The following ZNF713 variants were observed in gnomAD, a reference collection of about 807,000 sequenced individuals.
The protein encoded by ZNF713 is zinc finger protein 713.
A neutral mutation model predicts 28.7 loss-of-function variants in ZNF713; 21 were observed. The observed-to-expected ratio is 0.73, with a 90% confidence interval of 0.52 to 1.05. ZNF713 has a LOEUF of 1.05. Ranked by LOEUF, ZNF713 falls within the 50% of genes least tolerant of loss-of-function variation. ZNF713 has a pLI of 0.00. For missense variants in ZNF713, 458 were observed against 532.4 expected (o/e 0.86, Z 1.37); for synonymous variants, 167 against 178.0 (o/e 0.94, Z 0.49).
Position 55,939,372 on chromosome 7 carries a change from C to G in ZNF713, c.698C>G (p.Thr233Ser). The G allele has an allele frequency of 6.2e-7, 1 of 1,613,888 alleles. No homozygotes were observed. The highest frequency in any genetic ancestry group is 8.5e-7 in the Non-Finnish European group (1 of 1,179,996). Residue 233 changes from threonine (T) to serine (S), a missense_variant, in exon 7 of 7, where the codon ACT becomes AGT. Physicochemically the swap from Thr to Ser is moderately conservative, Grantham distance 58. Transcript: ENST00000429591. ...TATCAGGGAAATTATGTAAGAGAGA[C>G]TCCCTATGAATATAGTGAGTGTGGA... Reference protein sequence around the residue: ...IYYQGNYVRETPYEYSECGKI... With the variant: ...IYYQGNYVRESPYEYSECGKI...
At chr7:55,904,463 TAAAAAAAA>T (rs71015118) in intron 1 of ZNF713, among the ~76,000 whole-genome samples, 4 of 41,292 alleles carry the variant, frequency 9.7e-5, no homozygotes, top group African/African-American at 3.5e-4. Flanking sequence ...ACTGTATCTT[TAAAAAAAA>T]AAAAAAAAAA....
chr7:55,923,358 G>A, intron 5 of ZNF713, 70 bp downstream of exon 5: 3 of 1,539,848 alleles, frequency 1.9e-6, no homozygotes, highest in South Asian at 1.3e-5. Flanking sequence ...GTAGAAGCCT[G>A]CAAAGTTTTT....
Position 55,939,074 on chromosome 7 carries a change from G to C in ZNF713, c.400G>C (p.Ala134Pro). Residue 134 changes from alanine to proline, a missense_variant, in exon 7 of 7, where the codon GCA becomes CCA. By Grantham distance (27) the Ala-to-Pro change is conservative (BLOSUM62 -1). Transcript: ENST00000429591. ...QTHEMIMERL[A>P]GDSFWYSILG... is the part of the protein sequence containing the mutation. ...CCATGAGATGATAATGGAGAGACTC[G>C]CAGGAGACAGCTTCTGGTACTCCAT... 6.2e-7 allele frequency: 1 copy of C among 1,613,982 alleles called. No homozygotes were observed. Among genetic ancestry groups the C allele is most frequent in the Non-Finnish European group, 8.5e-7 (1 of 1,179,958 alleles).
chr7:55,939,669 A>T lies in ZNF713; in HGVS notation c.995A>T (p.His332Leu). 2 of 1,614,222 alleles carry T rather than the reference A, an allele frequency of 1.2e-6. No individual in the cohort carries two copies. Among genetic ancestry groups the T allele is most frequent in the South Asian group, 2.2e-5 (2 of 91,084 alleles). Residue 332 changes from histidine to leucine, a missense_variant, in exon 7 of 7, where the codon CAT becomes CTT. Physicochemically the swap from His to Leu is moderately conservative, Grantham distance 99. Coordinates refer to ENST00000429591, the MANE Select transcript of ZNF713 (RefSeq NM_182633.3). The stretch of plus-strand genomic sequence containing the variant: ...CGTCAGCATTCATCCTTTACTCAAC[A>T]TCTGAGGATTCATACTGGAGAAAAG... Reference protein sequence around the residue: ...AFRQHSSFTQHLRIHTGEKPY... With the variant: ...AFRQHSSFTQLLRIHTGEKPY...
chr7:55,899,356 C>CA (rs71015114), intron 1 of ZNF713, among the ~76,000 whole-genome samples: 2,733 of 68,724 alleles, frequency 0.04, 58 homozygotes, highest in Non-Finnish European at 0.048. Context: ...GATTCCATCT[C>CA]AAAAAAAAAA....
chr7:55,927,896 CAAAAAAAA>C (rs71533249), intron 6 of ZNF713, among the ~76,000 whole-genome samples: 8 of 44,940 alleles, frequency 1.8e-4, no homozygotes, highest in South Asian at 1.5e-3. Context: ...GACTCTGTCT[CAAAAAAAA>C]AAAAAAAAAA....
At chr7:55,919,042 C>A (rs542574727) in intron 4 of ZNF713, among the ~76,000 whole-genome samples, 1 of 151,636 alleles carries the variant, frequency 6.6e-6, no homozygotes, top group African/African-American at 2.4e-5. Context: ...TTAATGAACT[C>A]AACGATCTAC....
At chr7:55,912,526 C>G (rs1785803596) in intron 3 of ZNF713, 109 bp from the exon 4 acceptor site, 1 of 733,126 alleles carries the variant, frequency 1.4e-6, no homozygotes, top group Admixed American at 2.4e-5. Context: ...AGGCTTATGT[C>G]TTAGAGGGCT....
At chr7:55,931,190 G>A (rs1362465216) in intron 6 of ZNF713, among the ~76,000 whole-genome samples, 1 of 151,908 alleles carries the variant, frequency 6.6e-6, no homozygotes, top group African/African-American at 2.4e-5. Context: ...GGAGGCTGAG[G>A]CAGGAGAATC....
intron 1 of ZNF713, among the ~76,000 whole-genome samples, chr7:55,901,857 C>G (rs1464904607): frequency 1.3e-5 from 2 of 152,256 alleles, no homozygotes; most frequent in African/African-American, 2.4e-5. Context: ...CACTTACTAA[C>G]ATGACATGTA....
intron 6 of ZNF713, among the ~76,000 whole-genome samples, chr7:55,936,713 T>C (rs1786354235): frequency 6.6e-6 from 1 of 152,066 alleles, no homozygotes; most frequent in Non-Finnish European, 1.5e-5. Flanking sequence ...TTGCCCCGCT[T>C]TGTTGGGGCA....
intron 6 of ZNF713, among the ~76,000 whole-genome samples, chr7:55,936,804 A>G (rs1046802465): frequency 6.6e-6 from 1 of 152,144 alleles, no homozygotes; most frequent in Non-Finnish European, 1.5e-5. Context: ...AAGTAGAGAT[A>G]TATCTATCTA....
At chr7:55,899,155 C>T (rs1174435757) in intron 1 of ZNF713, among the ~76,000 whole-genome samples, 2 of 149,980 alleles carry the variant, frequency 1.3e-5, no homozygotes, top group Non-Finnish European at 3.0e-5. Context: ...AGATGGAGAC[C>T]ATCCTGGCTA....
intron 4 of ZNF713, among the ~76,000 whole-genome samples, chr7:55,916,876 GA>G (rs1188941131): frequency 6.6e-6 from 1 of 152,008 alleles, no homozygotes; most frequent in African/African-American, 2.4e-5. Flanking sequence ...TTTCACCAAA[GA>G]AAAACTTTCT....
intron 4 of ZNF713, 96 bp downstream of exon 4, chr7:55,912,819 C>G (rs1785810072): frequency 1.0e-6 from 1 of 953,734 alleles, no homozygotes; most frequent in African/African-American, 1.6e-5. Flanking sequence ...TCACAAAAAT[C>G]CAGAGCCCAG....
At chr7:55,922,321 A>G (rs1786007397) in intron 4 of ZNF713, among the ~76,000 whole-genome samples, 1 of 152,114 alleles carries the variant, frequency 6.6e-6, no homozygotes, top group Non-Finnish European at 1.5e-5. Flanking sequence ...CGGGCAGATC[A>G]TAAGGTCAAG....
intron 1 of ZNF713, among the ~76,000 whole-genome samples, chr7:55,892,777 CAGG>C (rs1785411367): frequency 6.8e-6 from 1 of 146,182 alleles, no homozygotes; most frequent in African/African-American, 2.5e-5. Context: ...GAGGCTGAAG[CAGG>C]AGAATTACTT....
chr7:55,912,722 A>G lies in ZNF713; in HGVS notation c.86A>G (p.Gln29Arg), dbSNP rs1486745339. The change falls in exon 4 of 7, where the codon CAG becomes CGG. Residue 29 changes from glutamine to arginine, a missense_variant and splice_region_variant. Transcript: ENST00000429591. ...MNDGSQMVRS[Q>R]ESLTFQDVAV... ...GATGGCTCACAGATGGTGAGATCTCAGGTAAGTTCAGTTTTCCTCTCCTCT... is the reference window on the plus strand; with the variant it reads ...GATGGCTCACAGATGGTGAGATCTCGGGTAAGTTCAGTTTTCCTCTCCTCT... 1 of 1,611,778 alleles carries G rather than the reference A, an allele frequency of 6.2e-7. No individual in the cohort carries two copies. The highest frequency in any genetic ancestry group is 1.1e-5 in the South Asian group (1 of 90,590).
At chr7:55,920,191 T>C (rs1785969009) in intron 4 of ZNF713, among the ~76,000 whole-genome samples, 1 of 152,210 alleles carries the variant, frequency 6.6e-6, no homozygotes, top group Non-Finnish European at 1.5e-5. Context: ...GCAAAGAAAG[T>C]GGTTTCTTGA....
Sources: gnomAD v4.1 joint callset for allele counts (sites outside exome capture counted in the v4.1 genomes callset) on GRCh38, gnomAD v4.1.1 for gene constraint, MANE v1.5 for transcripts, NCBI Gene and HGNC (gene_info 2026-07-23, HGNC 2026-07-21) for gene names.